The following CIRSR variants were observed in gnomAD, a reference collection of about 807,000 sequenced individuals.
The protein encoded by CIRSR is CBF1 (RBPJ) interacting corepressor 1.
the CIRSR span, among the ~76,000 whole-genome samples, chr2:174,393,124 G>C: frequency 6.6e-6 from 1 of 152,068 alleles, no homozygotes; most frequent in Non-Finnish European, 1.5e-5. Context: ...ACAGCTAAGG[G>C]AACAGAGAGT....
the CIRSR span, among the ~76,000 whole-genome samples, chr2:174,377,000 A>G: frequency 1.3e-5 from 2 of 152,256 alleles, no homozygotes; most frequent in East Asian, 1.9e-4. Context: ...GACTCAAAGA[A>G]AATCAAGTCT....
chr2:174,378,897 C>T, the CIRSR span: 55 of 1,493,920 alleles, frequency 3.7e-5, no homozygotes, highest in Non-Finnish European at 4.6e-5. Context: ...TGTCCTCTCC[C>T]GAAACAAATC....
At chr2:174,370,921 A>AAG in the CIRSR span, among the ~76,000 whole-genome samples, 2 of 151,860 alleles carry the variant, frequency 1.3e-5, no homozygotes, top group East Asian at 1.9e-4. Flanking sequence ...AAAAAAAAAA[A>AAG]AAAAGAAAAG....
At chr2:174,354,389 G>T in the CIRSR span, among the ~76,000 whole-genome samples, 1 of 102,730 alleles carries the variant, frequency 9.7e-6, no homozygotes, top group Non-Finnish European at 1.8e-5. Context: ...ACTTATATAT[G>T]TACATATATA....
chr2:174,354,826 GC>G, the CIRSR span, among the ~76,000 whole-genome samples: 1 of 133,804 alleles, frequency 7.5e-6, no homozygotes, highest in East Asian at 2.1e-4. Flanking sequence ...GGTCTTGAAT[GC>G]CTCAGCTCAA....
the CIRSR span, among the ~76,000 whole-genome samples, chr2:174,391,943 C>T: frequency 6.6e-6 from 1 of 152,126 alleles, no homozygotes; most frequent in African/African-American, 2.4e-5. Flanking sequence ...TTAGTGCTTG[C>T]CTAGGGCTGG....
chr2:174,353,450 C>A, the CIRSR span, among the ~76,000 whole-genome samples: 1 of 152,076 alleles, frequency 6.6e-6, no homozygotes, highest in East Asian at 1.9e-4. Context: ...CATAGAGGTG[C>A]TCATACAATT....
the CIRSR span, among the ~76,000 whole-genome samples, chr2:174,373,299 T>TG: frequency 6.6e-6 from 1 of 152,006 alleles, no homozygotes; most frequent in Non-Finnish European, 1.5e-5. Context: ...TCTTATTCTA[T>TG]AAGACTGAGA....
the CIRSR span, chr2:174,351,752 G>T: frequency 1.3e-6 from 2 of 1,580,928 alleles, no homozygotes; most frequent in Non-Finnish European, 1.7e-6. Flanking sequence ...CAGTTTGAAT[G>T]TATCATTTAT....
the CIRSR span, among the ~76,000 whole-genome samples, chr2:174,392,359 C>A: frequency 6.6e-6 from 1 of 152,086 alleles, no homozygotes; most frequent in Non-Finnish European, 1.5e-5. Flanking sequence ...TTACTTAACT[C>A]CATGAATACA....
the CIRSR span, chr2:174,350,828 G>A: frequency 2.0e-6 from 2 of 1,019,658 alleles, no homozygotes; most frequent in Non-Finnish European, 2.9e-6. Context: ...TTATAAATAA[G>A]TTTTGTATCA....
chr2:174,390,040 G>A, the CIRSR span, among the ~76,000 whole-genome samples: 5 of 152,210 alleles, frequency 3.3e-5, no homozygotes, highest in South Asian at 2.1e-4. Context: ...ATGTGGGGTC[G>A]GAGCCCCCAC....
the CIRSR span, among the ~76,000 whole-genome samples, chr2:174,353,538 G>A: frequency 6.6e-6 from 1 of 152,132 alleles, no homozygotes; most frequent in African/African-American, 2.4e-5. Context: ...CACGATCTCG[G>A]CTCACTGCAA....
At chr2:174,376,319 A>G in the CIRSR span, among the ~76,000 whole-genome samples, 10 of 152,346 alleles carry the variant, frequency 6.6e-5, no homozygotes, top group South Asian at 2.1e-3. Flanking sequence ...GCCTGGTTAC[A>G]TAAATGTTAA....
the CIRSR span, among the ~76,000 whole-genome samples, chr2:174,368,786 T>G: frequency 6.6e-6 from 1 of 152,230 alleles, no homozygotes; most frequent in South Asian, 2.1e-4. Flanking sequence ...CAGTAAGATT[T>G]TAAAAGGCAT....
the CIRSR span, among the ~76,000 whole-genome samples, chr2:174,393,260 A>C: frequency 6.6e-6 from 1 of 152,198 alleles, no homozygotes; most frequent in African/African-American, 2.4e-5. Flanking sequence ...TCATTAACAA[A>C]ATCAAGAAAA....
chr2:174,349,125 T>C, the CIRSR span: 1 of 1,503,470 alleles, frequency 6.7e-7, no homozygotes, highest in Non-Finnish European at 8.8e-7. Context: ...AAACTTTTTC[T>C]TTTTTCTATC....
chr2:174,349,145 T>C, the CIRSR span: 3 of 1,479,832 alleles, frequency 2.0e-6, no homozygotes, highest in South Asian at 2.8e-5. Context: ...CTTTTTTCTT[T>C]TTTTTCTTCT....
chr2:174,355,674 T>A, the CIRSR span, among the ~76,000 whole-genome samples: 1 of 152,168 alleles, frequency 6.6e-6, no homozygotes, highest in East Asian at 1.9e-4. Flanking sequence ...TATACAAAAT[T>A]ATGTGTGTAA....
Sources: allele counts gnomAD v4.1 joint callset (sites outside exome capture counted in the v4.1 genomes callset), GRCh38; gene constraint gnomAD v4.1.1; transcripts MANE v1.5; gene names NCBI Gene and HGNC (gene_info 2026-07-23, HGNC 2026-07-21).